Variants in MFHAS1 observed in about 807,000 individuals in gnomAD.
MFHAS1 encodes malignant fibrous histiocytoma-amplified sequence 1.
A neutral mutation model predicts 70.4 loss-of-function variants in MFHAS1; 50 were observed. That is an observed-to-expected ratio of 0.71 (90% CI 0.57 to 0.90). The LOEUF is 0.90. Ranked by LOEUF, MFHAS1 falls within the 40% of genes least tolerant of loss-of-function variation. The probability of loss-of-function intolerance (pLI) is 0.00; values close to 1 mark genes in which losing one functional copy is unlikely to be tolerated. For missense variants in MFHAS1, 1,795 were observed against 1,347.6 expected (o/e 1.33, Z -5.20); for synonymous variants, 952 against 620.0 (o/e 1.54, Z -7.96).
intron 1 of MFHAS1, among the ~76,000 whole-genome samples, chr8:8,800,843 C>A (rs2117264544): frequency 6.6e-6 from 1 of 152,248 alleles, no homozygotes; most frequent in South Asian, 2.1e-4. Flanking sequence ...CAGCACCCAT[C>A]CCTGGCACCA....
chr8:8,791,540 GA>G (rs1334873715), intron 2 of MFHAS1, among the ~76,000 whole-genome samples: 1 of 152,128 alleles, frequency 6.6e-6, no homozygotes, highest in Admixed American at 6.5e-5. Flanking sequence ...CATTCTGCAG[GA>G]ACCCTAGAAA....
rs1318108464 is a variant in MFHAS1, at chr8:8,797,501, G to C, written c.2999-10C>G. 2 of 1,611,734 alleles carry C rather than the reference G, an allele frequency of 1.2e-6. 1 individual carries two copies. Among genetic ancestry groups the C allele is most frequent in the East Asian group, 4.5e-5 (2 of 44,842 alleles). ...TGACTCAGCAACTCCCCTGTAGGAG[G>C]AGAGAGAAAAACGTGTTAGGGAGAT... On this transcript the variant is annotated splice_polypyrimidine_tract_variant and intron_variant, in intron 1 of 2. Transcript: ENST00000276282.
chr8:8,850,726 G>A (rs190352305), intron 1 of MFHAS1, among the ~76,000 whole-genome samples: 257 of 149,870 alleles, frequency 1.7e-3, no homozygotes, highest in African/African-American at 6.2e-3. Flanking sequence ...TCAGGAGGCT[G>A]AAGCAGGAGA....
At chr8:8,800,745 G>T (rs1357976611) in intron 1 of MFHAS1, among the ~76,000 whole-genome samples, 1 of 152,142 alleles carries the variant, frequency 6.6e-6, no homozygotes, top group Non-Finnish European at 1.5e-5. Context: ...CTCTCTCCTG[G>T]TTGGAATTCC....
rs115597655 is a variant in MFHAS1, at chr8:8,892,823, G to C, written c.236C>G (p.Pro79Arg). The change falls in exon 1 of 3, where the codon CCC becomes CGC. Residue 79 changes from proline (P) to arginine (R), a missense_variant. By Grantham distance (103) the Pro-to-Arg change is moderately radical. Transcript: ENST00000276282. This position sits in a 1 kb window ranked among gnomAD's most constrained non-coding sequence, Gnocchi z 4.7. Reference protein sequence around the residue: ...NLGNNGLEEVPEGLGSALGSL... With the variant: ...NLGNNGLEEVREGLGSALGSL... ...GCCCAGCGCCGACCCCAGCCCCTCG[G>C]GTACCTCCTCCAGGCCGTTGTTCCC... 1.9e-3 allele frequency: 2,954 copies of C among 1,592,954 alleles called. 53 individuals carry two copies. The African/African-American group carries it at 0.035, about 19-fold the overall frequency.
intron 1 of MFHAS1, among the ~76,000 whole-genome samples, chr8:8,826,509 G>C (rs1276647274): frequency 1.3e-5 from 2 of 152,174 alleles, no homozygotes; most frequent in Admixed American, 6.5e-5. Flanking sequence ...CAGGAGGGTA[G>C]ATCACTTAAG....
intron 1 of MFHAS1, among the ~76,000 whole-genome samples, chr8:8,874,331 T>TACACACAC (rs35271686): frequency 3.5e-5 from 5 of 144,696 alleles, no homozygotes; most frequent in Admixed American, 2.1e-4. Context: ...TATAACATTC[T>TACACACAC]ACACACACAC....
chr8:8,822,588 A>C (rs1807002171), intron 1 of MFHAS1, among the ~76,000 whole-genome samples: 3 of 149,444 alleles, frequency 2.0e-5, no homozygotes, highest in Non-Finnish European at 4.4e-5. Context: ...GACAGGGACC[A>C]AATCAGGGGG....
chr8:8,877,116 G>A (rs578225698), intron 1 of MFHAS1, among the ~76,000 whole-genome samples: 27 of 151,804 alleles, frequency 1.8e-4, no homozygotes, highest in Non-Finnish European at 3.7e-4. Flanking sequence ...CCCAGGCAAC[G>A]TGGCAAAATC....
At chr8:8,811,017 T>C (rs1266044927) in intron 1 of MFHAS1, among the ~76,000 whole-genome samples, 1 of 152,106 alleles carries the variant, frequency 6.6e-6, no homozygotes, top group Non-Finnish European at 1.5e-5. Flanking sequence ...AACCTTGAAA[T>C]GGCTCAACTT....
At chr8:8,847,281 A>G (rs1415572719) in intron 1 of MFHAS1, among the ~76,000 whole-genome samples, 1 of 152,122 alleles carries the variant, frequency 6.6e-6, no homozygotes, top group East Asian at 1.9e-4. Flanking sequence ...TCCCAGGTTG[A>G]AGTGATTCTC....
chr8:8,881,726 C>T (rs778136327), intron 1 of MFHAS1, among the ~76,000 whole-genome samples: 13 of 150,596 alleles, frequency 8.6e-5, no homozygotes, highest in Admixed American at 5.3e-4. Flanking sequence ...CCCAGCTACT[C>T]GAGAGGCTGA....
chr8:8,873,342 C>T (rs377719397), intron 1 of MFHAS1, among the ~76,000 whole-genome samples: 1 of 152,056 alleles, frequency 6.6e-6, no homozygotes, highest in African/African-American at 2.4e-5. Context: ...TTTTAAAGAC[C>T]AAACACTTCA....
intron 1 of MFHAS1, among the ~76,000 whole-genome samples, chr8:8,883,264 C>G (rs1809599584): frequency 6.6e-6 from 1 of 152,166 alleles, no homozygotes; most frequent in Non-Finnish European, 1.5e-5. Context: ...GACCTCCATC[C>G]CCAGGGAACA....
At chr8:8,798,091 A>G (rs935635985) in intron 1 of MFHAS1, among the ~76,000 whole-genome samples, 1 of 152,168 alleles carries the variant, frequency 6.6e-6, no homozygotes. Context: ...AAAAACACAT[A>G]ATTAACCTAA....
In MFHAS1 at chr8:8,785,972, A is replaced by C. The variant is rs1805527818; in HGVS notation, c.*50T>G. The C allele has an allele frequency of 6.3e-7, 1 of 1,596,014 alleles. No homozygotes were observed. Among genetic ancestry groups the C allele is most frequent in the East Asian group, 2.2e-5 (1 of 44,774 alleles). On this transcript the variant is annotated 3_prime_UTR_variant, in exon 3 of 3. Coordinates refer to ENST00000276282, the MANE Select transcript of MFHAS1 (RefSeq NM_004225.3). ...GTCTGCCAGGTGCAAAAGATGGTCC[A>C]GGTGTTCAGATGCTCTCTTTTCTCC...
chr8:8,843,254 C>T (rs1324106541), intron 1 of MFHAS1, among the ~76,000 whole-genome samples: 2 of 142,472 alleles, frequency 1.4e-5, no homozygotes, highest in Non-Finnish European at 3.0e-5. Context: ...CCCGCCTGGG[C>T]GACAGAGCGA....
At chr8:8,790,353 G>A in intron 2 of MFHAS1, 1 of 984,606 alleles carries the variant, frequency 1.0e-6, no homozygotes, top group Non-Finnish European at 1.2e-6. Context: ...TAAAGTCACA[G>A]TTTGGGTACA....
chr8:8,892,853 T>G lies in MFHAS1; in HGVS notation c.206A>C (p.Asn69Thr). Residue 69 changes from asparagine to threonine, a missense_variant, in exon 1 of 3, where the codon AAC becomes ACC. Transcript: ENST00000276282. The surrounding 1 kb of genome is among the most constrained non-coding windows in gnomAD (Gnocchi z 4.7). ...CTCCTCCAGGCCGTTGTTCCCCAGG[T>G]TCAGTGCCTCAATGTCCCCGAGGTT... ...PANLGDIEAL[N>T]LGNNGLEEVP... 6.3e-7 allele frequency: 1 copy of G among 1,597,432 alleles called. No individual in the cohort carries two copies. The highest frequency in any genetic ancestry group is 8.5e-7 in the Non-Finnish European group (1 of 1,172,712).
Sources: allele counts gnomAD v4.1 joint callset (sites outside exome capture counted in the v4.1 genomes callset), GRCh38; gene constraint gnomAD v4.1.1; non-coding constraint Gnocchi (gnomAD v3.1); transcripts MANE v1.5; gene names NCBI Gene and HGNC (gene_info 2026-07-23, HGNC 2026-07-21).